Variants in LAMB1 observed in about 807,000 individuals in gnomAD.
LAMB1 encodes laminin subunit beta 1, also known as laminin subunit beta-1.
Under a neutral mutation model 222.3 loss-of-function variants are expected in LAMB1, and 121 were observed. That is an observed-to-expected ratio of 0.54 (90% CI 0.47 to 0.63). The LOEUF (loss-of-function observed/expected upper bound fraction) is 0.63, where lower values mean the gene tolerates loss of function less well. Ranked by LOEUF, LAMB1 falls within the 30% of genes least tolerant of loss-of-function variation. LAMB1 has a pLI of 0.00. For missense variants in LAMB1, 2,172 were observed against 2,240.8 expected (o/e 0.97, Z 0.62); for synonymous variants, 794 against 807.2 (o/e 0.98, Z 0.28).
chr7:108,001,732 G>C lies in LAMB1; in HGVS notation c.39C>G (p.Ala13=). Residue 13 remains alanine, a splice_region_variant and synonymous_variant, in exon 3 of 34, where the codon GCC becomes GCG. Transcript: ENST00000222399. ...GAGCGCGCACTCGGGCTCTGCACAG[G>C]GCTGCGGGAAGGACAGGCAACAGAG... ...LLQLLAFSFL[A]LCRARVRAQE... 1.2e-6 allele frequency: 2 copies of C among 1,612,672 alleles called. No homozygotes were observed. The highest frequency in any genetic ancestry group is 2.2e-5 in the South Asian group (2 of 90,952).
rs1367433871 is a variant in LAMB1 at position 107,986,314 on chromosome 7, T to C, written c.473A>G (p.Lys158Arg). ...MLIERSSDFG[K>R]TWGVYRYFAY... is the part of the protein sequence containing the mutation. ...GAAGTATCTATACACACCCCAGGTT[T>C]TCCCAAAGTCGGACGATCGTTCTAT... Residue 158 changes from lysine (K) to arginine (R), a missense_variant, in exon 6 of 34, where the codon AAA becomes AGA. Transcript: ENST00000222399. 1 of 1,610,458 alleles carries C rather than the reference T, an allele frequency of 6.2e-7. No individual in the cohort carries two copies. The highest frequency in any genetic ancestry group is 8.5e-7 in the Non-Finnish European group (1 of 1,177,170).
At chr7:107,958,635 A>C (rs2033426503) in intron 20 of LAMB1, among the ~76,000 whole-genome samples, 1 of 152,236 alleles carries the variant, frequency 6.6e-6, no homozygotes, top group Non-Finnish European at 1.5e-5. Flanking sequence ...TAAACAGTGT[A>C]AGTCAGCAGG....
intron 22 of LAMB1, among the ~76,000 whole-genome samples, chr7:107,952,872 C>G (rs1176075996): frequency 1.3e-5 from 2 of 152,148 alleles, no homozygotes; most frequent in Non-Finnish European, 2.9e-5. Flanking sequence ...AAGGTGGGAC[C>G]ACAGTGGGTA....
At chr7:107,991,416 C>A (rs952023347) in intron 5 of LAMB1, among the ~76,000 whole-genome samples, 5 of 151,798 alleles carry the variant, frequency 3.3e-5, no homozygotes, top group Non-Finnish European at 2.9e-5. Context: ...GGTGAAGCCC[C>A]GTCTCTACTA....
intron 24 of LAMB1, among the ~76,000 whole-genome samples, chr7:107,940,966 CA>C: frequency 1.3e-5 from 2 of 152,288 alleles, no homozygotes; most frequent in South Asian, 4.2e-4. Flanking sequence ...ATGATCAAAA[CA>C]AAACAAAACC....
intron 1 of LAMB1, 39 bp from the exon 2 acceptor site, chr7:108,003,010 CAA>C (rs1028794572): frequency 2.0e-6 from 3 of 1,525,664 alleles, no homozygotes; most frequent in Non-Finnish European, 1.7e-6. Flanking sequence ...GGCAAATGTT[CAA>C]AGAGAGAAGA....
intron 12 of LAMB1, 60 bp from the exon 13 acceptor site, chr7:107,973,131 G>T: frequency 7.4e-7 from 1 of 1,357,104 alleles, no homozygotes; most frequent in Non-Finnish European, 1.1e-6. Flanking sequence ...AACAGACTCA[G>T]CAACAAGCAA....
chr7:107,951,716 A>G (rs868187074), intron 23 of LAMB1, among the ~76,000 whole-genome samples: 14 of 152,184 alleles, frequency 9.2e-5, no homozygotes, highest in African/African-American at 2.7e-4. Flanking sequence ...AGAAGCTAAG[A>G]AAAGAGTCTG....
chr7:107,973,028 G>A lies in LAMB1; in HGVS notation c.1526C>T (p.Pro509Leu), dbSNP rs983527671. The change falls in exon 13 of 34, where the codon CCA (proline) becomes CTA (leucine). Residue 509 changes from proline (P) to leucine (L), a missense_variant. Physicochemically the swap from Pro to Leu is moderately conservative, Grantham distance 98. Coordinates refer to ENST00000222399, the MANE Select transcript of LAMB1 (RefSeq NM_002291.3). ...GLSNDLDGCR[P>L]CDCDLGGALN... is the part of the protein sequence containing the mutation. ...GGCTCCCCCAAGGTCACAGTCACAT[G>A]GTCGACATCCATCCAAATCATTGCT... 55 of 1,613,870 alleles carry A rather than the reference G, an allele frequency of 3.4e-5. 1 individual carries two copies. The highest frequency in any genetic ancestry group is 6.7e-5 in the African/African-American group (5 of 74,878).
chr7:107,959,862 T>C lies in LAMB1; in HGVS notation c.2315-28A>G, dbSNP rs778943882. ...GTGGGTAAAGAGAGGCCAGAACCCA[T>C]GACACGGAGCAGCACATCATCGGGC... On this transcript the variant is annotated intron_variant, in intron 18 of 33. Coordinates refer to ENST00000222399, the MANE Select transcript of LAMB1 (RefSeq NM_002291.3). 192 of 1,605,814 alleles carry C rather than the reference T, an allele frequency of 1.2e-4. No individual in the cohort carries two copies. The highest frequency in any genetic ancestry group is 1.7e-5 in the Non-Finnish European group (20 of 1,175,174).
rs572877176 is a variant in LAMB1 at position 107,955,594 on chromosome 7, C to A, written c.2727G>T (p.Gly909=). ...GGCAAGGGCGGCAGTGATCTCCTGACCCAATGATGGGGTCGCCATAGTAAC... is the reference window on the plus strand; with the variant it reads ...GGCAAGGGCGGCAGTGATCTCCTGAACCAATGATGGGGTCGCCATAGTAAC... The part of the protein sequence containing the change: ...LAGYYGDPII[G]SGDHCRPCPC... The change falls in exon 21 of 34, where the codon GGG becomes GGT. Residue 909 remains glycine (G), a synonymous_variant. Transcript: ENST00000222399. 13 of 1,613,926 alleles carry A rather than the reference C, an allele frequency of 8.1e-6. No homozygotes were observed. The African/African-American group carries it at 1.6e-4, about 20-fold the overall frequency.
At chr7:107,963,350 GAA>G (rs1458440550) in intron 14 of LAMB1, among the ~76,000 whole-genome samples, 2 of 151,984 alleles carry the variant, frequency 1.3e-5, no homozygotes, top group Admixed American at 1.3e-4. Flanking sequence ...AAGCATAAAA[GAA>G]AAAAGAGAAC....
At chr7:107,935,261 C>T (rs2032813583) in intron 27 of LAMB1, 154 bp downstream of exon 27, 2 of 1,146,308 alleles carry the variant, frequency 1.7e-6, no homozygotes, top group East Asian at 2.4e-5. Flanking sequence ...ATTCCAGGAT[C>T]CAGAGACCTC....
At chr7:107,947,980 C>CTTTT (rs1421044411) in intron 24 of LAMB1, among the ~76,000 whole-genome samples, 1 of 105,612 alleles carries the variant, frequency 9.5e-6, no homozygotes, top group African/African-American at 3.6e-5. Flanking sequence ...ATATCTTCTT[C>CTTTT]TTCTTTTTTT....
rs111955403 is a variant in LAMB1, at chr7:107,974,357, G to GTT, written c.1482+627_1482+628dup. Among the ~76,000 whole-genome samples the GTT allele has an allele frequency of 1.1e-3, 158 of 144,882 alleles. 1 individual carries two copies. Among genetic ancestry groups the GTT allele is most frequent in the African/African-American group, 3.4e-3 (138 of 40,032 alleles). On this transcript the variant is annotated intron_variant, in intron 12 of 33. Coordinates refer to ENST00000222399, the MANE Select transcript of LAMB1 (RefSeq NM_002291.3). ...AAGATACTATTCATATCCTGTGTGT[G>GTT]TTTTTTTTTTTAAATATAGCAAGCA...
At chr7:107,989,311 A>C (rs115813218) in intron 5 of LAMB1, among the ~76,000 whole-genome samples, 106 of 152,362 alleles carry the variant, frequency 7.0e-4, no homozygotes, top group African/African-American at 2.5e-3. Context: ...AAAAAGATCA[A>C]AGGAAATTTC....
intron 23 of LAMB1, 35 bp downstream of exon 23, chr7:107,951,974 T>G: frequency 3.2e-6 from 5 of 1,558,168 alleles, no homozygotes; most frequent in Non-Finnish European, 4.4e-6. Flanking sequence ...ACACCTGAGC[T>G]CATAAAGGCA....
intron 13 of LAMB1, 130 bp from the exon 14 acceptor site, chr7:107,964,817 A>G: frequency 2.8e-6 from 3 of 1,061,066 alleles, no homozygotes; most frequent in South Asian, 1.6e-5. Flanking sequence ...TTTCTTCAGA[A>G]AATACATATG....
In LAMB1 at chr7:107,937,188, T is replaced by C. The variant is rs2032868193; in HGVS notation, c.3851A>G (p.Glu1284Gly). Residue 1284 changes from glutamate (E) to glycine (G), a missense_variant, in exon 26 of 34, where the codon GAA becomes GGA. Coordinates refer to ENST00000222399, the MANE Select transcript of LAMB1 (RefSeq NM_002291.3). ...GGCTTCTGTCTGTAGAGAATCCAGT[T>C]CTTTGGCTGTGCTGTTGCTTTGGGA... ...TTSQSNSTAK[E>G]LDSLQTEAES... The C allele has an allele frequency of 1.9e-6, 3 of 1,614,060 alleles. No individual in the cohort carries two copies. In the East Asian group the frequency reaches 6.7e-5, roughly 36 times the overall value.
Sources: gnomAD v4.1 joint callset for allele counts (sites outside exome capture counted in the v4.1 genomes callset) on GRCh38, gnomAD v4.1.1 for gene constraint, MANE v1.5 for transcripts, NCBI Gene and HGNC (gene_info 2026-07-23, HGNC 2026-07-21) for gene names.